Variants in SDCCAG8 observed in about 807,000 individuals in gnomAD.
SDCCAG8 encodes the protein serologically defined colon cancer antigen 8.
In SDCCAG8, 74 loss-of-function variants were observed where a neutral mutation model predicts 101.8. That is an observed-to-expected ratio of 0.73 (90% CI 0.60 to 0.88). The LOEUF is 0.88. Among genes scored for constraint, SDCCAG8 ranks in the 40% least tolerant of loss-of-function variants. SDCCAG8 has a pLI of 0.00. For synonymous variants in SDCCAG8, 281 were observed against 292.9 expected, an observed-to-expected ratio of 0.96 and a Z score of 0.41; for missense variants, 787 against 822.6, an observed-to-expected ratio of 0.96 and a Z score of 0.53.
At chr1:243,324,191 C>T (rs543026308) in intron 9 of SDCCAG8, among the ~76,000 whole-genome samples, 85 of 152,252 alleles carry the variant, frequency 5.6e-4, no homozygotes, top group African/African-American at 2.0e-3. Context: ...ACAACCAAAC[C>T]GTTCATTGGC....
intron 13 of SDCCAG8, among the ~76,000 whole-genome samples, chr1:243,391,803 G>A (rs77149735): frequency 0.019 from 2,944 of 152,288 alleles, 56 homozygotes; most frequent in Non-Finnish European, 0.029. Flanking sequence ...AAAATAAAGA[G>A]CAAGTCACTA....
chr1:243,277,519 A>G (rs1237140663), intron 4 of SDCCAG8, among the ~76,000 whole-genome samples: 1 of 152,192 alleles, frequency 6.6e-6, no homozygotes, highest in Non-Finnish European at 1.5e-5. Context: ...TTGAGTTTCA[A>G]CAATTCTTTC....
intron 16 of SDCCAG8, among the ~76,000 whole-genome samples, chr1:243,434,266 A>G (rs979988566): frequency 4.6e-5 from 7 of 152,256 alleles, no homozygotes; most frequent in African/African-American, 1.4e-4. Context: ...GCTAAAGCAG[A>G]TATATGATCC....
At chr1:243,327,843 G>A (rs1001855182) in intron 9 of SDCCAG8, among the ~76,000 whole-genome samples, 2 of 152,088 alleles carry the variant, frequency 1.3e-5, no homozygotes, top group Non-Finnish European at 2.9e-5. Flanking sequence ...CACTGTGACC[G>A]GACATATACG....
chr1:243,331,690 C>G (rs2074605290), intron 10 of SDCCAG8, among the ~76,000 whole-genome samples: 1 of 152,194 alleles, frequency 6.6e-6, no homozygotes, highest in South Asian at 2.1e-4. Context: ...ATCACACAGC[C>G]TTGCAGATGA....
intron 16 of SDCCAG8, among the ~76,000 whole-genome samples, chr1:243,446,354 C>T (rs1317225841): frequency 6.6e-6 from 1 of 152,166 alleles, no homozygotes; most frequent in Non-Finnish European, 1.5e-5. Flanking sequence ...GTAGCCTCAA[C>T]ATCCTGGGAT....
chr1:243,444,251 A>G (rs2082740745), intron 16 of SDCCAG8, among the ~76,000 whole-genome samples: 1 of 152,156 alleles, frequency 6.6e-6, no homozygotes, highest in African/African-American at 2.4e-5. Flanking sequence ...TTTATCTAGA[A>G]ATACTTATTT....
chr1:243,447,217 C>G (rs2082976171), intron 16 of SDCCAG8, among the ~76,000 whole-genome samples: 1 of 135,420 alleles, frequency 7.4e-6, no homozygotes, highest in African/African-American at 2.8e-5. Context: ...CCACGGCACT[C>G]CAGCCTGGGT....
chr1:243,469,636 T>C (rs1046201670), intron 16 of SDCCAG8, among the ~76,000 whole-genome samples: 2 of 152,180 alleles, frequency 1.3e-5, no homozygotes, highest in South Asian at 4.1e-4. Context: ...TGCATACTAA[T>C]GATAACTAGC....
intron 16 of SDCCAG8, among the ~76,000 whole-genome samples, chr1:243,482,665 G>C (rs1353276537): frequency 6.6e-6 from 1 of 152,154 alleles, no homozygotes; most frequent in Non-Finnish European, 1.5e-5. Context: ...TGGACCCGCG[G>C]ACCCTACGCT....
At chr1:243,261,469 G>T (rs2067186878) in intron 1 of SDCCAG8, among the ~76,000 whole-genome samples, 1 of 152,176 alleles carries the variant, frequency 6.6e-6, no homozygotes, top group Non-Finnish European at 1.5e-5. Context: ...AATTGATGTA[G>T]TTCAAGAAAA....
intron 9 of SDCCAG8, chr1:243,318,065 T>C (rs2073417831): frequency 4.4e-6 from 2 of 456,530 alleles, no homozygotes; most frequent in South Asian, 3.1e-5. Context: ...ACGTAAACGA[T>C]GGAATTGATG....
chr1:243,314,772 C>G (rs1175804892), intron 8 of SDCCAG8, among the ~76,000 whole-genome samples: 1 of 152,180 alleles, frequency 6.6e-6, no homozygotes, highest in South Asian at 2.1e-4. Flanking sequence ...TGCAGTGGCA[C>G]GATCTCAGCT....
intron 8 of SDCCAG8, among the ~76,000 whole-genome samples, chr1:243,314,932 A>T (rs1231828735): frequency 2.0e-5 from 3 of 152,032 alleles, no homozygotes; most frequent in Non-Finnish European, 4.4e-5. Context: ...CTGGTCTGGA[A>T]CTCCTGACCT....
intron 9 of SDCCAG8, among the ~76,000 whole-genome samples, chr1:243,326,600 A>T (rs2074167306): frequency 6.6e-6 from 1 of 152,214 alleles, no homozygotes; most frequent in African/African-American, 2.4e-5. Context: ...TAAAATCAAT[A>T]GTTTGCATTA....
At position 243,474,248 on chromosome 1, in the gene SDCCAG8, G is replaced by A. The variant is rs955328528; in HGVS notation, c.1986-14766G>A. On this transcript the variant is annotated intron_variant, in intron 16 of 17. Transcript: ENST00000366541. This position sits in a 1 kb window ranked among gnomAD's most constrained non-coding sequence, Gnocchi z 4.7. The stretch of plus-strand genomic sequence containing the variant: ...TCAGGGGAAAGAACTTGGGACGTGA[G>A]CATGGAGTTAATGAAGCTTTCACCC... Among the ~76,000 whole-genome samples the A allele has an allele frequency of 1.3e-5, 2 of 152,138 alleles. No homozygotes were observed. The highest frequency in any genetic ancestry group is 1.3e-4 in the Admixed American group (2 of 15,280).
At chr1:243,310,427 G>A (rs921349433) in intron 8 of SDCCAG8, among the ~76,000 whole-genome samples, 8 of 151,946 alleles carry the variant, frequency 5.3e-5, no homozygotes, top group African/African-American at 1.9e-4. Flanking sequence ...GGGAAATTGG[G>A]GTTCAGAGAA....
intron 9 of SDCCAG8, among the ~76,000 whole-genome samples, chr1:243,320,928 C>T (rs1024260224): frequency 6.6e-6 from 1 of 152,180 alleles, no homozygotes; most frequent in African/African-American, 2.4e-5. Context: ...GGTACTCCCT[C>T]TAGGAAACCT....
chr1:243,476,866 C>T (rs977934633), intron 16 of SDCCAG8, among the ~76,000 whole-genome samples: 3 of 152,074 alleles, frequency 2.0e-5, no homozygotes, highest in African/African-American at 4.8e-5. Context: ...GCTATTAGAT[C>T]AATATGAAAT....
Sources: gnomAD v4.1 joint callset for allele counts (sites outside exome capture counted in the v4.1 genomes callset) on GRCh38, gnomAD v4.1.1 for gene constraint, Gnocchi (gnomAD v3.1) non-coding constraint, MANE v1.5 for transcripts, NCBI Gene and HGNC (gene_info 2026-07-23, HGNC 2026-07-21) for gene names.